The following HTR4 variants were observed in gnomAD, a reference collection of about 807,000 sequenced individuals.
HTR4 encodes the protein 5-hydroxytryptamine receptor 4.
In HTR4, 16 loss-of-function variants were observed where a neutral mutation model predicts 36.8. The observed-to-expected ratio is 0.43, with a 90% CI of 0.29 to 0.66. HTR4 has a LOEUF of 0.66. Among genes scored for constraint, HTR4 ranks in the 30% least tolerant of loss-of-function variants. The probability of loss-of-function intolerance (pLI) is 0.13; values close to 1 mark genes in which losing one functional copy is unlikely to be tolerated. For missense variants in HTR4, 438 were observed against 490.9 expected, an observed-to-expected ratio of 0.89 and a Z score of 1.02; for synonymous variants, 189 against 185.1, an observed-to-expected ratio of 1.02 and a Z score of -0.17.
At chr5:148,554,322 G>A (rs372387125) in intron 2 of HTR4, among the ~76,000 whole-genome samples, 10 of 152,128 alleles carry the variant, frequency 6.6e-5, no homozygotes, top group African/African-American at 9.7e-5. Flanking sequence ...TGATCCGCCC[G>A]CCTCGGCCTC....
intron 2 of HTR4, among the ~76,000 whole-genome samples, chr5:148,580,872 G>T (rs1761105783): frequency 6.6e-6 from 1 of 151,920 alleles, no homozygotes; most frequent in African/African-American, 2.4e-5. Context: ...CAATTCTTTG[G>T]GTTATATAGC....
intron 2 of HTR4, among the ~76,000 whole-genome samples, chr5:148,583,135 T>A (rs1761209239): frequency 6.6e-6 from 1 of 151,792 alleles, no homozygotes; most frequent in Non-Finnish European, 1.5e-5. Flanking sequence ...TTGAGAGTTT[T>A]TAGCATGAAG....
chr5:148,480,982 G>A (rs1341604550), downstream of HTR4, among the ~76,000 whole-genome samples: 2 of 152,320 alleles, frequency 1.3e-5, no homozygotes, highest in East Asian at 1.9e-4. Context: ...TCTCTCTGAG[G>A]TCTGAGACAT....
intron 2 of HTR4, among the ~76,000 whole-genome samples, chr5:148,550,522 C>T (rs112669951): frequency 9.2e-5 from 14 of 152,288 alleles, no homozygotes; most frequent in African/African-American, 3.4e-4. Context: ...TGTGGCTTTC[C>T]TTCAGGGCAT....
intron 4 of HTR4, among the ~76,000 whole-genome samples, chr5:148,542,983 A>C (rs1195959245): frequency 6.6e-6 from 1 of 152,212 alleles, no homozygotes; most frequent in African/African-American, 2.4e-5. Context: ...ACCTCTGCCC[A>C]GTAACCAGGA....
intron 6 of HTR4, among the ~76,000 whole-genome samples, chr5:148,506,663 A>T (rs1197363894): frequency 3.9e-5 from 6 of 152,204 alleles, no homozygotes; most frequent in African/African-American, 1.4e-4. Flanking sequence ...CAAAGAACTC[A>T]AACAAATTTA....
chr5:148,622,858 C>A (rs1752964384), intron 2 of HTR4, among the ~76,000 whole-genome samples: 2 of 152,154 alleles, frequency 1.3e-5, no homozygotes, highest in Non-Finnish European at 2.9e-5. Flanking sequence ...TAACCACAAA[C>A]AGCCATACAT....
chr5:148,629,273 C>T (rs1753233732), intron 2 of HTR4: 2 of 152,104 alleles, frequency 1.3e-5, no homozygotes, highest in African/African-American at 2.4e-5. Flanking sequence ...CATAACACTA[C>T]CCTCTGTGTG....
chr5:148,472,364 G>C (rs1262995018), downstream of HTR4, among the ~76,000 whole-genome samples: 1 of 152,166 alleles, frequency 6.6e-6, no homozygotes, highest in East Asian at 1.9e-4. Context: ...TTACATTCCT[G>C]AGATGGTTAA....
chr5:148,464,943 G>A lies in HTR4; in HGVS notation c.1077-13671C>T, dbSNP rs115487530. ...GAACAGACATGGAGGAATCTTAAAT[G>A]CATATACTAAGTGAAAGAAGCCAAT... is the stretch of plus-strand genomic sequence containing the variant. On this transcript the variant is annotated intron_variant, in intron 5 of 5. Coordinates refer to the HTR4 transcript ENST00000521530. 4.8e-3 allele frequency among the ~76,000 whole-genome samples: 728 copies of A among 152,230 alleles called. 3 individuals are homozygous for A. Among genetic ancestry groups the A allele is most frequent in the Non-Finnish European group, 9.0e-3 (609 of 68,000 alleles).
intron 2 of HTR4, among the ~76,000 whole-genome samples, chr5:148,603,180 T>C (rs1762055380): frequency 6.6e-6 from 1 of 151,958 alleles, no homozygotes; most frequent in Admixed American, 6.6e-5. Flanking sequence ...ATGAACAAAT[T>C]GAATAAAACC....
At chr5:148,486,072 C>T (rs1404437224) in intron 6 of HTR4, among the ~76,000 whole-genome samples, 1 of 152,124 alleles carries the variant, frequency 6.6e-6, no homozygotes, top group Non-Finnish European at 1.5e-5. Flanking sequence ...TAGCTCTGGC[C>T]ATGGAGAAAG....
intron 6 of HTR4, among the ~76,000 whole-genome samples, chr5:148,497,609 CT>C (rs1756745668): frequency 6.6e-6 from 1 of 152,178 alleles, no homozygotes; most frequent in Non-Finnish European, 1.5e-5. Flanking sequence ...TTCTCTGCCA[CT>C]ATGTGCACTA....
chr5:148,554,232 T>A (rs998775435), intron 2 of HTR4, among the ~76,000 whole-genome samples: 4 of 152,122 alleles, frequency 2.6e-5, no homozygotes, highest in Non-Finnish European at 5.9e-5. Flanking sequence ...TATGCCACCA[T>A]GCCTGGCTAA....
At chr5:148,487,155 G>C (rs1756203135) in intron 6 of HTR4, among the ~76,000 whole-genome samples, 1 of 152,134 alleles carries the variant, frequency 6.6e-6, no homozygotes, top group African/African-American at 2.4e-5. Context: ...AAGGTACAGA[G>C]TCTTGTTTCC....
In HTR4 at chr5:148,615,163, A is replaced by G. The variant is rs528567078; in HGVS notation, c.26+21826T>C. On this transcript the variant is annotated intron_variant, in intron 2 of 6. Transcript: ENST00000377888. Reference sequence around the variant, plus strand: ...TAGAACTAGAAATACCATTTGACCCAGCCATCCCATTACTGGGTATATACC... The same window carrying G: ...TAGAACTAGAAATACCATTTGACCCGGCCATCCCATTACTGGGTATATACC... Among the ~76,000 whole-genome samples, 4 of 151,898 alleles carry G rather than the reference A, an allele frequency of 2.6e-5. No homozygotes were observed. In the South Asian group the frequency reaches 8.3e-4, roughly 32 times the overall value.
At chr5:148,470,366 G>T (rs1755533820) in intron 5 of HTR4, among the ~76,000 whole-genome samples, 1 of 152,146 alleles carries the variant, frequency 6.6e-6, no homozygotes, top group African/African-American at 2.4e-5. Flanking sequence ...TTGGCAATTT[G>T]CTCAAGATCA....
chr5:148,464,910 C>G (rs1257060608), intron 5 of HTR4, among the ~76,000 whole-genome samples: 2 of 152,138 alleles, frequency 1.3e-5, no homozygotes, highest in African/African-American at 4.8e-5. Context: ...AATGAGCTAT[C>G]AAACCATGAA....
At chr5:148,488,971 T>C (rs1007799907) in intron 6 of HTR4, among the ~76,000 whole-genome samples, 1 of 152,192 alleles carries the variant, frequency 6.6e-6, no homozygotes, top group South Asian at 2.1e-4. Flanking sequence ...AGAGGTCAAA[T>C]CAATATCCTT....
Sources: gnomAD v4.1 joint callset for allele counts (sites outside exome capture counted in the v4.1 genomes callset) on GRCh38, gnomAD v4.1.1 for gene constraint, MANE v1.5 for transcripts, NCBI Gene and HGNC (gene_info 2026-07-23, HGNC 2026-07-21) for gene names.